Variants in COL4A6 observed in about 807,000 individuals in gnomAD.
COL4A6 encodes collagen type IV alpha 6 chain, also known as collagen alpha-6(IV) chain.
A neutral mutation model predicts 126.7 loss-of-function variants in COL4A6; 59 were observed. That is an observed-to-expected ratio of 0.47 (90% CI 0.38 to 0.58). The LOEUF is 0.58. Among genes scored for constraint, COL4A6 ranks in the 20% least tolerant of loss-of-function variants. The probability of loss-of-function intolerance (pLI) is 0.00; values close to 1 mark genes in which losing one functional copy is unlikely to be tolerated. For missense variants in COL4A6, 1,285 were observed against 1,337.3 expected, an observed-to-expected ratio of 0.96 and a Z score of 0.61; for synonymous variants, 547 against 496.6, an observed-to-expected ratio of 1.10 and a Z score of -1.35.
chrX:108,269,737 T>C (rs954925469), intron 3 of COL4A6, among the ~76,000 whole-genome samples: 6 of 112,232 alleles, frequency 5.3e-5, no homozygotes, highest in African/African-American at 9.7e-5. Context: ...TCTGGTTCAA[T>C]TATCATGTGA....
intron 3 of COL4A6, among the ~76,000 whole-genome samples, chrX:108,247,784 T>C (rs73636390): frequency 0.045 from 5,050 of 111,279 alleles, 247 homozygotes; most frequent in African/African-American, 0.14. Flanking sequence ...ACCAATTCAT[T>C]TTGCACACTA....
At chrX:108,399,971 A>G (rs890726523) in intron 2 of COL4A6, among the ~76,000 whole-genome samples, 3 of 111,636 alleles carry the variant, frequency 2.7e-5, no homozygotes, top group African/African-American at 9.7e-5. Context: ...TGCTGTCATC[A>G]TGACTACCAG....
At chrX:108,178,567 C>T in intron 27 of COL4A6, 117 bp downstream of exon 27, 1 of 746,481 alleles carries the variant, frequency 1.3e-6, no homozygotes, top group South Asian at 2.8e-5. Flanking sequence ...TTAGGAAAGT[C>T]AAGTCTCATT....
rs754863448 is a variant in COL4A6, at chrX:108,209,996, A to G, written c.519T>C (p.Pro173=). 1 of 1,210,194 alleles carries G rather than the reference A, an allele frequency of 8.3e-7. No homozygotes were observed. The highest frequency in any genetic ancestry group is 1.7e-5 in the African/African-American group (1 of 57,858). ...PGSFKGMKGD[P]GLPGLDGITG... ...TGATTCCATCCAGTCCAGGCAGCCC[A>G]GGATCCCCCTGAGAAACAAAGGCAG... The change falls in exon 8 of 45, where the codon CCT becomes CCC. Residue 173 remains proline, a synonymous_variant. Transcript: ENST00000334504.
chrX:108,189,680 G>C lies in COL4A6; in HGVS notation c.1426+712C>G, dbSNP rs752543484. On this transcript the variant is annotated intron_variant, in intron 20 of 44. Transcript: ENST00000334504. ...TGAATAGCAGAGAACAAGCTTTCAGGCATTTCTTAACCAGACTCTATATAC... is the reference window on the plus strand; with the variant it reads ...TGAATAGCAGAGAACAAGCTTTCAGCCATTTCTTAACCAGACTCTATATAC... 2.5e-4 allele frequency among the ~76,000 whole-genome samples: 28 copies of C among 112,353 alleles called. No individual in the cohort carries two copies. The South Asian group carries it at 2.6e-3, about 10-fold the overall frequency.
Position 108,188,016 on chromosome X carries a change from C to T in COL4A6, c.1599G>A (p.Gly533=). The T allele has an allele frequency of 8.4e-7, 1 of 1,186,641 alleles. No homozygotes were observed. ...QGPAGAPGLV[G]PLGPSGPKGK... ...CTTTGGGTCCTGAAGGACCCAGAGG[C>T]CCAACTAAGCCCTGACAAAGAAAAG... is the stretch of plus-strand genomic sequence containing the variant. Residue 533 remains glycine (G), a synonymous_variant, in exon 22 of 45, where the codon GGG becomes GGA. Transcript: ENST00000334504.
chrX:108,308,542 G>A (rs896478280), intron 3 of COL4A6, among the ~76,000 whole-genome samples: 1 of 112,224 alleles, frequency 8.9e-6, no homozygotes, highest in African/African-American at 3.2e-5. Flanking sequence ...AGTTAGGAAA[G>A]TGGCTAAAGA....
chrX:108,187,449 T>A (rs2034904090), intron 22 of COL4A6, among the ~76,000 whole-genome samples, 170 bp from the exon 23 acceptor site: 1 of 112,034 alleles, frequency 8.9e-6, no homozygotes, highest in African/African-American at 3.2e-5. Context: ...AGTTAGTGGA[T>A]ATGAATCTTG....
chrX:108,411,002 T>G (rs2041315578), intron 2 of COL4A6, among the ~76,000 whole-genome samples: 1 of 112,430 alleles, frequency 8.9e-6, no homozygotes, highest in African/African-American at 3.2e-5. Flanking sequence ...CATCAACTCA[T>G]AGGAAGAAGG....
At chrX:108,253,714 A>T (rs2036915772) in intron 3 of COL4A6, among the ~76,000 whole-genome samples, 1 of 111,827 alleles carries the variant, frequency 8.9e-6, no homozygotes, top group Non-Finnish European at 1.9e-5. Context: ...TAAAGGATGC[A>T]TCCAGCCCAG....
intron 3 of COL4A6, among the ~76,000 whole-genome samples, chrX:108,301,687 T>C (rs981227760): frequency 1.4e-4 from 16 of 111,810 alleles, no homozygotes; most frequent in Non-Finnish European, 2.6e-4. Context: ...AGTCTCTTAA[T>C]CTCTCTGAAA....
chrX:108,389,205 G>A (rs1251204946), intron 2 of COL4A6, among the ~76,000 whole-genome samples: 1 of 111,851 alleles, frequency 8.9e-6, no homozygotes, highest in African/African-American at 3.3e-5. Context: ...GATTTGGGGT[G>A]GAGAGTTCTG....
chrX:108,312,652 C>A (rs989679530), intron 2 of COL4A6, among the ~76,000 whole-genome samples: 3 of 111,986 alleles, frequency 2.7e-5, no homozygotes, highest in Non-Finnish European at 3.8e-5. Context: ...CTTCTCCATA[C>A]ATTTCTGTGT....
intron 3 of COL4A6, among the ~76,000 whole-genome samples, chrX:108,273,625 T>C (rs1351651805): frequency 4.5e-5 from 5 of 112,269 alleles, no homozygotes; most frequent in Admixed American, 1.9e-4. Context: ...ATATGGTACA[T>C]ATACACCATG....
rs933190475 is a variant in COL4A6, at chrX:108,223,143, C to A, written c.145-1769G>T. Among the ~76,000 whole-genome samples the A allele has an allele frequency of 7.2e-5, 8 of 111,496 alleles. No homozygotes were observed. In the Admixed American group the frequency reaches 7.6e-4, roughly 11 times the overall value. On this transcript the variant is annotated intron_variant, in intron 3 of 44. Transcript: ENST00000334504. Reference sequence around the variant, plus strand: ...ACTAACACAGGAACAGAAAACCAAACGCTGCATGTTCTCACTCATACGTGG... The same window carrying A: ...ACTAACACAGGAACAGAAAACCAAAAGCTGCATGTTCTCACTCATACGTGG...
chrX:108,266,962 A>C (rs575801650), intron 3 of COL4A6, among the ~76,000 whole-genome samples: 1 of 112,046 alleles, frequency 8.9e-6, no homozygotes, highest in South Asian at 3.7e-4. Flanking sequence ...CTGGGCTTAA[A>C]ACCAGACAAA....
chrX:108,161,515 G>A (rs2033934210), intron 42 of COL4A6, 104 bp downstream of exon 42: 1 of 515,626 alleles, frequency 1.9e-6, no homozygotes, highest in Admixed American at 3.2e-5. Flanking sequence ...CTCTACCACT[G>A]GGTTTATTAA....
At chrX:108,320,571 C>T (rs945350044) in intron 2 of COL4A6, among the ~76,000 whole-genome samples, 7 of 111,088 alleles carry the variant, frequency 6.3e-5, no homozygotes, top group African/African-American at 2.0e-4. Context: ...TTGACTCTGG[C>T]GGGGTTAAAG....
At chrX:108,256,889 G>A (rs1402472823) in intron 3 of COL4A6, among the ~76,000 whole-genome samples, 1 of 111,726 alleles carries the variant, frequency 9.0e-6, no homozygotes, top group Non-Finnish European at 1.9e-5. Context: ...TAATTTGGAT[G>A]TCAAATTGAG....
Sources: gnomAD v4.1 joint callset for allele counts (sites outside exome capture counted in the v4.1 genomes callset) on GRCh38, gnomAD v4.1.1 for gene constraint, MANE v1.5 for transcripts, NCBI Gene and HGNC (gene_info 2026-07-23, HGNC 2026-07-21) for gene names.